The following SCFD2 variants were observed in gnomAD, a reference collection of about 807,000 sequenced individuals.
The protein encoded by SCFD2 is sec1 family domain containing 2.
SCFD2 carries 54 observed loss-of-function variants against 58.9 expected under a neutral mutation model. The observed-to-expected ratio is 0.92, with a 90% CI of 0.74 to 1.15. SCFD2 has a LOEUF of 1.15. SCFD2 is among the 50% of genes most tolerant of loss of function. The pLI is 0.00. For synonymous variants in SCFD2, 321 were observed against 335.9 expected, an observed-to-expected ratio of 0.96 and a Z score of 0.49; for missense variants, 805 against 836.6, an observed-to-expected ratio of 0.96 and a Z score of 0.47.
chr4:53,187,331 T>C (rs768233882), intron 4 of SCFD2, among the ~76,000 whole-genome samples: 4 of 152,092 alleles, frequency 2.6e-5, no homozygotes, highest in Non-Finnish European at 5.9e-5. Context: ...AATTGGCATA[T>C]TTCTGAGGGC....
intron 5 of SCFD2, among the ~76,000 whole-genome samples, chr4:53,020,496 C>T (rs1350033136): frequency 2.0e-5 from 3 of 152,266 alleles, no homozygotes; most frequent in South Asian, 4.1e-4. Context: ...TTTCTACATC[C>T]CCATCCAGTC....
At position 52,995,256 on chromosome 4, in the gene SCFD2, G is replaced by A. The variant is rs150114918; in HGVS notation, c.1562-74386C>T. Among the ~76,000 whole-genome samples the A allele has an allele frequency of 3.6e-3, 554 of 152,222 alleles. 6 individuals carry two copies. Among genetic ancestry groups the A allele is most frequent in the African/African-American group, 0.012 (516 of 41,522 alleles). On this transcript the variant is annotated intron_variant, in intron 5 of 8. Coordinates refer to ENST00000401642, the MANE Select transcript of SCFD2 (RefSeq NM_152540.4). ...CAGGCATTAGATTCTCACAAGGAGC[G>A]CGGAACCTAGATCCCTCCCATAGGC...
chr4:53,027,210 C>T (rs775049924), intron 5 of SCFD2, among the ~76,000 whole-genome samples: 2 of 152,132 alleles, frequency 1.3e-5, no homozygotes, highest in Non-Finnish European at 2.9e-5. Flanking sequence ...CCTTGTTTGT[C>T]CACCCTCCTT....
chr4:53,344,568 A>ATTCTG (rs1362527129), intron 2 of SCFD2, among the ~76,000 whole-genome samples: 1 of 152,176 alleles, frequency 6.6e-6, no homozygotes, highest in Non-Finnish European at 1.5e-5. Flanking sequence ...CAAGCTACCA[A>ATTCTG]TGACTTTCTT....
intron 4 of SCFD2, among the ~76,000 whole-genome samples, chr4:53,248,276 C>G (rs1023653714): frequency 2.6e-5 from 4 of 152,248 alleles, no homozygotes; most frequent in Non-Finnish European, 4.4e-5. Context: ...GGGTCCTACA[C>G]CCACTGAGTC....
chr4:53,330,777 T>A (rs994814425), intron 2 of SCFD2, among the ~76,000 whole-genome samples: 25 of 151,736 alleles, frequency 1.6e-4, no homozygotes, highest in African/African-American at 5.3e-4. Flanking sequence ...GACTAAATGC[T>A]CCAATTAAAA....
intron 5 of SCFD2, among the ~76,000 whole-genome samples, chr4:53,134,968 A>ACTTC (rs879356127): frequency 2.0e-5 from 3 of 152,182 alleles, no homozygotes; most frequent in Admixed American, 1.3e-4. Context: ...TGAGAAGCCT[A>ACTTC]CTTCCACTTA....
intron 7 of SCFD2, among the ~76,000 whole-genome samples, chr4:52,894,335 A>C (rs1195622279): frequency 6.6e-6 from 1 of 152,240 alleles, no homozygotes; most frequent in Non-Finnish European, 1.5e-5. Flanking sequence ...TAGCAGAGAA[A>C]GCATCTTGAC....
chr4:53,033,291 C>A (rs951159405), intron 5 of SCFD2, among the ~76,000 whole-genome samples: 1 of 151,770 alleles, frequency 6.6e-6, no homozygotes, highest in African/African-American at 2.4e-5. Context: ...ACACAACATA[C>A]CAGAATCTCT....
intron 4 of SCFD2, among the ~76,000 whole-genome samples, chr4:53,179,355 TA>T (rs919024166): frequency 2.5e-4 from 38 of 151,782 alleles, no homozygotes; most frequent in Admixed American, 7.9e-4. Context: ...TCAACATTCT[TA>T]AAAAAAAGAA....
intron 5 of SCFD2, among the ~76,000 whole-genome samples, chr4:53,039,283 C>T (rs1193309396): frequency 2.6e-5 from 4 of 152,050 alleles, no homozygotes; most frequent in Non-Finnish European, 4.4e-5. Flanking sequence ...TTTTTTCTTT[C>T]TCATCCTTTG....
intron 5 of SCFD2, among the ~76,000 whole-genome samples, chr4:52,971,446 C>T (rs957991263): frequency 5.3e-5 from 8 of 151,850 alleles, no homozygotes; most frequent in African/African-American, 7.3e-5. Context: ...TGAAATGAAG[C>T]GAGAAGAGAA....
chr4:53,132,012 T>C (rs1018008775), intron 5 of SCFD2, among the ~76,000 whole-genome samples: 1 of 152,224 alleles, frequency 6.6e-6, no homozygotes, highest in Non-Finnish European at 1.5e-5. Context: ...ATATAAATAT[T>C]AGTAGAAGAA....
rs112327380 is a variant in SCFD2 at position 52,873,719 on chromosome 4, C to T, written c.*250G>A. The T allele has an allele frequency of 8.7e-5, 28 of 320,620 alleles. No individual in the cohort carries two copies. Among genetic ancestry groups the T allele is most frequent in the African/African-American group, 4.3e-4 (20 of 46,844 alleles). 19.9% of individuals were successfully genotyped at this position (320,620 alleles called of 1,614,324 possible). On this transcript the variant is annotated 3_prime_UTR_variant, in exon 9 of 9. Coordinates refer to ENST00000401642, the MANE Select transcript of SCFD2 (RefSeq NM_152540.4). ...GGTTAAGGATAAATGGAAACGATCA[C>T]TAATTGGACTCGCCAAAAGACAGAC...
chr4:53,179,478 T>C (rs1373307803), intron 4 of SCFD2, among the ~76,000 whole-genome samples: 12 of 152,034 alleles, frequency 7.9e-5, no homozygotes, highest in Admixed American at 2.0e-4. Context: ...ACCAGGCCAG[T>C]CCTAAAAGAG....
intron 3 of SCFD2, among the ~76,000 whole-genome samples, chr4:53,292,693 A>T (rs190314474): frequency 7.2e-5 from 11 of 152,200 alleles, no homozygotes; most frequent in Admixed American, 5.9e-4. Flanking sequence ...CAGCAATCAC[A>T]TTACTGGGTA....
At chr4:53,257,490 A>G (rs1225798521) in intron 4 of SCFD2, among the ~76,000 whole-genome samples, 4 of 152,208 alleles carry the variant, frequency 2.6e-5, no homozygotes, top group Non-Finnish European at 4.4e-5. Flanking sequence ...TACCAATCAG[A>G]TAGAACATCC....
At chr4:53,021,505 G>A (rs1722348913) in intron 5 of SCFD2, among the ~76,000 whole-genome samples, 1 of 152,068 alleles carries the variant, frequency 6.6e-6, no homozygotes, top group African/African-American at 2.4e-5. Context: ...AACTTTAAAA[G>A]ATACAGTGGC....
At chr4:53,016,949 A>G (rs1722227497) in intron 5 of SCFD2, among the ~76,000 whole-genome samples, 1 of 152,182 alleles carries the variant, frequency 6.6e-6, no homozygotes, top group Non-Finnish European at 1.5e-5. Context: ...TCTACTAAAA[A>G]TACAAAAAAT....
Sources: gnomAD v4.1 joint callset for allele counts (sites outside exome capture counted in the v4.1 genomes callset) on GRCh38, gnomAD v4.1.1 for gene constraint, MANE v1.5 for transcripts, NCBI Gene and HGNC (gene_info 2026-07-23, HGNC 2026-07-21) for gene names.